The following GLB1 variants were observed in gnomAD, a reference collection of about 807,000 sequenced individuals.
GLB1 encodes beta-galactosidase.
Under a neutral mutation model 74.0 loss-of-function variants are expected in GLB1, and 56 were observed. That is an observed-to-expected ratio of 0.76 (90% CI 0.61 to 0.94). The LOEUF is 0.94. Ranked by LOEUF, GLB1 falls within the 40% of genes least tolerant of loss-of-function variation. The pLI, the probability that GLB1 is intolerant of heterozygous loss-of-function variation, is 0.00. For synonymous variants in GLB1, 323 were observed against 323.6 expected (o/e 1.00, Z 0.02); for missense variants, 787 against 845.5 (o/e 0.93, Z 0.86).
intron 1 of GLB1, chr3:33,094,191 G>A: frequency 6.3e-7 from 1 of 1,597,698 alleles, no homozygotes. Context: ...CCTGAAGATG[G>A]CCATTTTCTC....
At chr3:33,008,837 TGGCCGGGC>T (rs1487765059) in intron 15 of GLB1, among the ~76,000 whole-genome samples, 1 of 152,076 alleles carries the variant, frequency 6.6e-6, no homozygotes, top group Non-Finnish European at 1.5e-5. Context: ...AAGATCGTGG[TGGCCGGGC>T]GCAGTGGTTC....
the GLB1 span, among the ~76,000 whole-genome samples, chr3:32,978,727 C>T: frequency 7.9e-5 from 12 of 151,368 alleles, no homozygotes; most frequent in East Asian, 2.3e-3. Flanking sequence ...AAAAGGCTAG[C>T]CTTGAACCCT....
chr3:33,073,989 A>C (rs60536586), intron 1 of GLB1, among the ~76,000 whole-genome samples: 13,525 of 149,254 alleles, frequency 0.091, 2,011 homozygotes, highest in African/African-American at 0.32. Flanking sequence ...ATGCCACTGC[A>C]CTGCAGCCTG....
rs150097956 is a variant in GLB1, at chr3:33,046,921, G to A, written c.956-689C>T. ...CTGCTGACATTTCTCAGATGTGTCCGTCTCTGGGTGCTGGCCTGTGCTGAG... is the reference window on the plus strand; with the variant it reads ...CTGCTGACATTTCTCAGATGTGTCCATCTCTGGGTGCTGGCCTGTGCTGAG... On this transcript the variant is annotated intron_variant, in intron 9 of 15. Transcript: ENST00000307363. Among the ~76,000 whole-genome samples the A allele has an allele frequency of 2.2e-3, 336 of 152,248 alleles. 2 individuals carry two copies. The highest frequency in any genetic ancestry group is 7.7e-3 in the African/African-American group (319 of 41,542).
At chr3:32,969,913 A>G in the GLB1 span, among the ~76,000 whole-genome samples, 1 of 152,276 alleles carries the variant, frequency 6.6e-6, no homozygotes, top group African/African-American at 2.4e-5. Flanking sequence ...AGTTCAGGAA[A>G]CAGGAGCCAT....
intron 7 of GLB1, among the ~76,000 whole-genome samples, chr3:33,052,390 T>C (rs1699030378): frequency 6.6e-6 from 1 of 152,136 alleles, no homozygotes; most frequent in South Asian, 2.1e-4. Flanking sequence ...TCTCAGTACT[T>C]TGGGAGGCCG....
chr3:33,014,921 C>T (rs1483731323), intron 14 of GLB1, among the ~76,000 whole-genome samples: 6 of 152,204 alleles, frequency 3.9e-5, no homozygotes, highest in Middle Eastern at 3.4e-3. Flanking sequence ...GAGCTGAGAT[C>T]GCGCCACTGT....
rs375038734 is a variant in GLB1, at chr3:33,094,160, C to A, written c.75+2851G>T. ...AGACAGTGACAGCAGCCAGGGTGGC[C>A]TTCGCGCCTAGGGACAGCTGCCTGA... On this transcript the variant is annotated intron_variant, in intron 1 of 15. Transcript: ENST00000307363. The A allele has an allele frequency of 1.2e-5, 20 of 1,611,664 alleles. No individual in the cohort carries two copies. The highest frequency in any genetic ancestry group is 1.5e-5 in the Non-Finnish European group (18 of 1,178,196).
rs779068763 is a variant in GLB1 at position 33,093,809 on chromosome 3, G to C, written c.75+3202C>G. 1 of 1,613,624 alleles carries C rather than the reference G, an allele frequency of 6.2e-7. No individual in the cohort carries two copies. The highest frequency in any genetic ancestry group is 1.1e-5 in the South Asian group (1 of 90,998). On this transcript the variant is annotated intron_variant, in intron 1 of 15. Coordinates refer to ENST00000307363, the MANE Select transcript of GLB1 (RefSeq NM_000404.4). The surrounding 1 kb of genome is among the most constrained non-coding windows in gnomAD (Gnocchi z 6.0). ...TGCCGCTGAGGATGAAGAGGAAGAA[G>C]AGCATGATGATGTAAGCACCCAGGC... is the stretch of plus-strand genomic sequence containing the variant.
At chr3:33,032,431 C>T (rs760531765) in intron 10 of GLB1, among the ~76,000 whole-genome samples, 14 of 152,092 alleles carry the variant, frequency 9.2e-5, no homozygotes, top group Non-Finnish European at 1.5e-4. Context: ...CCTCTGCAAT[C>T]CTCTATCTCA....
At chr3:33,056,664 A>G (rs1323830404) in intron 6 of GLB1, among the ~76,000 whole-genome samples, 1 of 152,046 alleles carries the variant, frequency 6.6e-6, no homozygotes, top group Non-Finnish European at 1.5e-5. Flanking sequence ...CTTCACCTAG[A>G]TTTCCCAATT....
chr3:32,982,381 C>T, the GLB1 span, among the ~76,000 whole-genome samples: 2 of 148,112 alleles, frequency 1.4e-5, no homozygotes, highest in Non-Finnish European at 3.0e-5. Flanking sequence ...GTTTCTTTTT[C>T]TCTCATTCCT....
chr3:32,976,667 C>A, the GLB1 span, among the ~76,000 whole-genome samples: 2 of 152,208 alleles, frequency 1.3e-5, no homozygotes, highest in Non-Finnish European at 2.9e-5. Context: ...TCTCCCTCCC[C>A]CTTAGCCCGT....
At chr3:33,074,838 A>G (rs1700051200) in intron 1 of GLB1, among the ~76,000 whole-genome samples, 1 of 152,178 alleles carries the variant, frequency 6.6e-6, no homozygotes, top group Non-Finnish European at 1.5e-5. Context: ...TTGAAGCTGT[A>G]TTTGGAAGCA....
chr3:33,055,837 C>G (rs950587114), intron 6 of GLB1, among the ~76,000 whole-genome samples: 5 of 151,862 alleles, frequency 3.3e-5, no homozygotes, highest in African/African-American at 1.2e-4. Context: ...ACGGATGAGT[C>G]CTTTTATCAC....
the GLB1 span, among the ~76,000 whole-genome samples, chr3:32,962,313 A>G: frequency 1.1e-4 from 16 of 152,230 alleles, no homozygotes; most frequent in East Asian, 2.1e-3. Context: ...AACATGTCCA[A>G]AAAGAATGGA....
chr3:33,093,253 C>T lies in GLB1; in HGVS notation c.75+3758G>A. 4 of 1,614,188 alleles carry T rather than the reference C, an allele frequency of 2.5e-6. No individual in the cohort carries two copies. The highest frequency in any genetic ancestry group is 3.4e-6 in the Non-Finnish European group (4 of 1,180,012). ...CTCCCACTGCCACTGCCACCACCAC[C>T]ACGTTGGGCCCGTGTGGCGGAAATC... On this transcript the variant is annotated intron_variant, in intron 1 of 15. Coordinates refer to ENST00000307363, the MANE Select transcript of GLB1 (RefSeq NM_000404.4). This position sits in a 1 kb window ranked among gnomAD's most constrained non-coding sequence, Gnocchi z 6.0.
chr3:33,084,640 C>T (rs1215660819), intron 1 of GLB1, among the ~76,000 whole-genome samples: 1 of 152,180 alleles, frequency 6.6e-6, no homozygotes, highest in Non-Finnish European at 1.5e-5. Context: ...GATTCCCAAT[C>T]CTCACGGACT....
At chr3:33,045,396 C>T in intron 10 of GLB1, 1 of 985,262 alleles carries the variant, frequency 1.0e-6, no homozygotes, top group Non-Finnish European at 1.2e-6. Context: ...AGGGAATTTA[C>T]ACAATTGGCT....
Sources: gnomAD v4.1 joint callset for allele counts (sites outside exome capture counted in the v4.1 genomes callset) on GRCh38, gnomAD v4.1.1 for gene constraint, Gnocchi (gnomAD v3.1) non-coding constraint, MANE v1.5 for transcripts, NCBI Gene and HGNC (gene_info 2026-07-23, HGNC 2026-07-21) for gene names.